Variants in GPAM observed in about 807,000 individuals in gnomAD.
GPAM encodes glycerol-3-phosphate acyltransferase, mitochondrial.
In GPAM, 56 loss-of-function variants were observed where a neutral mutation model predicts 105.0. That is an observed-to-expected ratio of 0.53 (90% confidence interval 0.43 to 0.67). The LOEUF (loss-of-function observed/expected upper bound fraction) is 0.67, where lower values mean the gene tolerates loss of function less well. GPAM is among the 30% of genes least tolerant of loss of function. GPAM has a pLI of 0.00. For missense variants in GPAM, 855 were observed against 989.8 expected (o/e 0.86, Z 1.83); for synonymous variants, 368 against 354.4 (o/e 1.04, Z -0.43).
chr10:112,208,704 C>T (rs919588315), intron 1 of GPAM, among the ~76,000 whole-genome samples: 1 of 152,042 alleles, frequency 6.6e-6, no homozygotes, highest in African/African-American at 2.4e-5. Flanking sequence ...GTGCAGTAAA[C>T]CAAGGGATAC....
chr10:112,185,331 GA>G (rs201720172), upstream of GPAM, among the ~76,000 whole-genome samples: 1 of 149,196 alleles, frequency 6.7e-6, no homozygotes, highest in East Asian at 2.0e-4. Context: ...CAGGAAATGA[GA>G]AAAAAAAATC....
intron 15 of GPAM, 69 bp downstream of exon 15, chr10:112,161,598 A>G: frequency 3.1e-6 from 4 of 1,290,030 alleles, no homozygotes; most frequent in South Asian, 1.2e-5. Context: ...GCCCCTGAGT[A>G]TGTATCTGAG....
intron 1 of GPAM, among the ~76,000 whole-genome samples, chr10:112,189,238 C>G (rs1298747239): frequency 6.6e-6 from 1 of 152,144 alleles, no homozygotes; most frequent in African/African-American, 2.4e-5. Flanking sequence ...TCATTATGAC[C>G]TACTTTTCTT....
In GPAM at chr10:112,150,666, A is replaced by T; in HGVS notation, c.*2884T>A. The T allele has an allele frequency of 1.1e-6, 1 of 914,160 alleles. No homozygotes were observed. The highest frequency in any genetic ancestry group is 1.3e-6 in the Non-Finnish European group (1 of 764,946). 56.6% of individuals were successfully genotyped at this position (914,160 alleles called of 1,614,324 possible). A position where few individuals can be genotyped will look rare whatever the true frequency, so the allele number is the denominator to read the frequency against. ...TCCTGGTGTCAAAATAGTTTGGGCA[A>T]TGCTGGGTTAGACAGTTTTTCACTA... On this transcript the variant is annotated 3_prime_UTR_variant, in exon 22 of 22. Transcript: ENST00000348367.
At chr10:112,178,469 G>C (rs1847446686) in intron 4 of GPAM, among the ~76,000 whole-genome samples, 1 of 152,134 alleles carries the variant, frequency 6.6e-6, no homozygotes, top group African/African-American at 2.4e-5. Context: ...AGAATTGCTT[G>C]AACCTAAGAG....
At chr10:112,225,274 G>C in the GPAM span, among the ~76,000 whole-genome samples, 1 of 152,198 alleles carries the variant, frequency 6.6e-6, no homozygotes, top group South Asian at 2.1e-4. Flanking sequence ...GCCCAGCACT[G>C]GATAAGCCCC....
chr10:112,156,878 T>G (rs1350097140), intron 19 of GPAM: 1 of 347,910 alleles, frequency 2.9e-6, no homozygotes, highest in African/African-American at 2.1e-5. Context: ...TATATGAAAT[T>G]TTGGGAGGGA....
chr10:112,167,922 G>A (rs1847246554), intron 11 of GPAM, among the ~76,000 whole-genome samples: 2 of 152,120 alleles, frequency 1.3e-5, no homozygotes, highest in South Asian at 4.2e-4. Flanking sequence ...TTGCCAACAT[G>A]ACCCCACAAG....
chr10:112,155,942 G>T lies in GPAM; in HGVS notation c.2233C>A (p.Pro745Thr). ...TGCAGATACTCAGGTTCTGGAACAG[G>T]ACCACTGAAGTTGTGAACAAAGATG... ...AAIFVHNFSG[P>T]VPEPEYLQKL... Residue 745 changes from proline to threonine, a missense_variant, in exon 20 of 22, where the codon CCT becomes ACT. Coordinates refer to ENST00000348367, the MANE Select transcript of GPAM (RefSeq NM_001244949.2). 1.9e-6 allele frequency: 3 copies of T among 1,609,942 alleles called. No homozygotes were observed. The highest frequency in any genetic ancestry group is 2.6e-6 in the Non-Finnish European group (3 of 1,176,196).
At chr10:112,189,534 T>C (rs1222614418) in intron 1 of GPAM, among the ~76,000 whole-genome samples, 1 of 152,208 alleles carries the variant, frequency 6.6e-6, no homozygotes, top group East Asian at 1.9e-4. Context: ...ATTTCTACTC[T>C]CTGATTATAT....
chr10:112,156,369 C>T (rs760114051), intron 19 of GPAM: 15 of 348,720 alleles, frequency 4.3e-5, no homozygotes, highest in East Asian at 2.7e-4. Flanking sequence ...TAAAAATAGC[C>T]GCTCCTAAGA....
chr10:112,216,368 G>A (rs148978574), upstream of GPAM, among the ~76,000 whole-genome samples: 2 of 152,332 alleles, frequency 1.3e-5, no homozygotes, highest in East Asian at 3.9e-4. Flanking sequence ...ACAGGAGGTA[G>A]CAGTTTGTGA....
chr10:112,209,228 TGGG>T (rs1847884057), intron 1 of GPAM, among the ~76,000 whole-genome samples: 1 of 152,130 alleles, frequency 6.6e-6, no homozygotes, highest in African/African-American at 2.4e-5. Flanking sequence ...TAATTAGACA[TGGG>T]GCAGGAATGA....
intron 20 of GPAM, chr10:112,154,923 G>T: frequency 1.7e-6 from 1 of 581,958 alleles, no homozygotes; most frequent in Non-Finnish European, 3.1e-6. Context: ...AAAGGGAAGG[G>T]GAAAGAAAAG....
At chr10:112,154,524 T>C (rs1243393915) in intron 21 of GPAM, 105 bp downstream of exon 21, 2 of 834,198 alleles carry the variant, frequency 2.4e-6, no homozygotes, top group Non-Finnish European at 4.1e-6. Context: ...CAGCAGAAAC[T>C]GCTTCTCTCG....
intron 19 of GPAM, chr10:112,156,553 G>A (rs4918720): frequency 0.55 from 99,526 of 179,650 alleles, 27,986 homozygotes; most frequent in South Asian, 0.61. Flanking sequence ...CTGTGACGGC[G>A]GTGCTTTATG....
chr10:112,173,404 C>T (rs1847347322), intron 7 of GPAM, among the ~76,000 whole-genome samples: 2 of 152,128 alleles, frequency 1.3e-5, no homozygotes, highest in Non-Finnish European at 2.9e-5. Flanking sequence ...CAAACCACTC[C>T]TTTTATGACT....
At chr10:112,222,673 C>T in the GPAM span, among the ~76,000 whole-genome samples, 1 of 152,156 alleles carries the variant, frequency 6.6e-6, no homozygotes, top group African/African-American at 2.4e-5. Context: ...CAGGCTACTC[C>T]ACTATGCACC....
intron 1 of GPAM, among the ~76,000 whole-genome samples, chr10:112,198,517 A>G (rs1847752091): frequency 6.6e-6 from 1 of 152,172 alleles, no homozygotes; most frequent in Admixed American, 6.5e-5. Flanking sequence ...ATTACATTCC[A>G]TTTCAGCAGT....
Sources: allele counts gnomAD v4.1 joint callset (sites outside exome capture counted in the v4.1 genomes callset), GRCh38; gene constraint gnomAD v4.1.1; transcripts MANE v1.5; gene names NCBI Gene and HGNC (gene_info 2026-07-23, HGNC 2026-07-21).